The following ZBBX variants were observed in gnomAD, a reference collection of about 807,000 sequenced individuals.
ZBBX encodes the protein zinc finger B-box domain-containing protein 1.
ZBBX carries 101 observed loss-of-function variants against 108.5 expected under a neutral mutation model. The ratio of observed to expected loss-of-function variants is 0.93; its 90% confidence interval spans 0.79 to 1.10. The LOEUF (loss-of-function observed/expected upper bound fraction) is 1.10, where lower values mean the gene tolerates loss of function less well. Among genes scored for constraint, ZBBX ranks in the 50% least tolerant of loss-of-function variants. The probability of loss-of-function intolerance (pLI) is 0.00; values close to 1 mark genes in which losing one functional copy is unlikely to be tolerated. For missense variants in ZBBX, 1,009 were observed against 941.4 expected (o/e 1.07, Z -0.94); for synonymous variants, 356 against 323.4 (o/e 1.10, Z -1.08).
At chr3:167,397,458 T>G (rs1748282571) in intron 1 of ZBBX, among the ~76,000 whole-genome samples, 1 of 151,960 alleles carries the variant, frequency 6.6e-6, no homozygotes, top group Non-Finnish European at 1.5e-5. Flanking sequence ...TGAAAAAAAT[T>G]ATCAGAATGG....
In ZBBX at chr3:167,279,129, C is replaced by T. The variant is rs1728270741; in HGVS notation, c.2254+3109G>A. 3.3e-5 allele frequency among the ~76,000 whole-genome samples: 5 copies of T among 151,774 alleles called. No homozygotes were observed. In the South Asian group the frequency reaches 1.0e-3, roughly 32 times the overall value. On this transcript the variant is annotated intron_variant, in intron 20 of 21. Transcript: ENST00000675490. ...AATAATAAGAGCTATCTATGACAAA[C>T]CCACAGCCAATATCATACTGAATGG... is the stretch of plus-strand genomic sequence containing the variant.
intron 9 of ZBBX, among the ~76,000 whole-genome samples, chr3:167,345,635 C>T (rs554807050): frequency 2.6e-5 from 4 of 151,738 alleles, no homozygotes; most frequent in South Asian, 2.1e-4. Flanking sequence ...GAAGGAACTG[C>T]GTTTCTCAAC....
At chr3:167,229,134 G>T in the ZBBX span, among the ~76,000 whole-genome samples, 1 of 151,710 alleles carries the variant, frequency 6.6e-6, no homozygotes, top group Non-Finnish European at 1.5e-5. Context: ...AAAACTAAAT[G>T]ATCATCAATG....
At chr3:167,206,835 A>G in the ZBBX span, among the ~76,000 whole-genome samples, 3 of 152,178 alleles carry the variant, frequency 2.0e-5, no homozygotes, top group Non-Finnish European at 4.4e-5. Flanking sequence ...GAATCCAACC[A>G]TATATAGTTA....
chr3:167,319,962 G>A (rs1736138156), intron 12 of ZBBX, among the ~76,000 whole-genome samples: 1 of 151,710 alleles, frequency 6.6e-6, no homozygotes, highest in Admixed American at 6.6e-5. Context: ...ATATCCAGAT[G>A]GATAGATACA....
chr3:167,346,186 T>C (rs538626987), intron 9 of ZBBX, among the ~76,000 whole-genome samples: 2 of 150,606 alleles, frequency 1.3e-5, no homozygotes, highest in East Asian at 2.0e-4. Flanking sequence ...TCTTTCTACA[T>C]GTAGAAGTAA....
chr3:167,253,285 C>G (rs965213073), intron 20 of ZBBX, among the ~76,000 whole-genome samples: 16 of 151,912 alleles, frequency 1.1e-4, no homozygotes, highest in Non-Finnish European at 2.2e-4. Context: ...AGGAAAGAGA[C>G]AGTCATAAAA....
chr3:167,366,706 A>C (rs896944557), intron 5 of ZBBX: 3 of 384,366 alleles, frequency 7.8e-6, no homozygotes, highest in African/African-American at 6.3e-5. Context: ...CAATGTAACT[A>C]TTCTGAAAAC....
At chr3:167,258,955 T>C (rs1471908569) in intron 20 of ZBBX, among the ~76,000 whole-genome samples, 1 of 152,174 alleles carries the variant, frequency 6.6e-6, no homozygotes, top group African/African-American at 2.4e-5. Context: ...TGTCCTTTCC[T>C]GGTTTTGGTA....
At chr3:167,387,260 A>T (rs1747947607) in intron 1 of ZBBX, among the ~76,000 whole-genome samples, 2 of 152,060 alleles carry the variant, frequency 1.3e-5, no homozygotes, top group Non-Finnish European at 2.9e-5. Context: ...GAACAGAAAG[A>T]TTTGTATTCT....
chr3:167,386,841 G>A (rs1008613906), intron 1 of ZBBX, among the ~76,000 whole-genome samples: 1 of 151,970 alleles, frequency 6.6e-6, no homozygotes, highest in Non-Finnish European at 1.5e-5. Flanking sequence ...TTTCTCTTAT[G>A]CACTCAAGCT....
the ZBBX span, among the ~76,000 whole-genome samples, chr3:167,195,916 C>A: frequency 6.6e-6 from 1 of 152,198 alleles, no homozygotes; most frequent in South Asian, 2.1e-4. Context: ...TGTGTTAAAT[C>A]ACTTTGGGAT....
rs1162309793 is a variant in ZBBX at position 167,333,609 on chromosome 3, T to C, written c.687+218A>G. 2.0e-5 allele frequency among the ~76,000 whole-genome samples: 3 copies of C among 152,148 alleles called. No homozygotes were observed. In the East Asian group the frequency reaches 5.8e-4, roughly 29 times the overall value. On this transcript the variant is annotated intron_variant, in intron 10 of 21. Transcript: ENST00000675490. Reference sequence around the variant, plus strand: ...TCCAGAAAGACATATGGTCAAAAGATCATTCACCAAAAAGAGTAGTGTTCA... The same window carrying C: ...TCCAGAAAGACATATGGTCAAAAGACCATTCACCAAAAAGAGTAGTGTTCA...
chr3:167,246,751 C>A (rs1721636489), intron 20 of ZBBX, among the ~76,000 whole-genome samples: 1 of 152,150 alleles, frequency 6.6e-6, no homozygotes, highest in South Asian at 2.1e-4. Context: ...CAGCAACATC[C>A]AAAAACTGAC....
At chr3:167,327,109 T>A (rs1350716019) in intron 11 of ZBBX, among the ~76,000 whole-genome samples, 1 of 149,358 alleles carries the variant, frequency 6.7e-6, no homozygotes, top group African/African-American at 2.5e-5. Flanking sequence ...ATCTGGATCA[T>A]CAATGTCTAG....
In ZBBX at chr3:167,242,534, C is replaced by A. The variant is rs768185206; in HGVS notation, c.2364G>T (p.Val788=). Residue 788 remains valine, a synonymous_variant, in exon 21 of 22, where the codon GTG becomes GTT. Coordinates refer to ENST00000675490, the MANE Select transcript of ZBBX (RefSeq NM_001199201.2). ...ATTCCTCAACTCCACAGGGACCCCT[C>A]ACATGTGAGGTCTTAAGGAAATCTG... is the stretch of plus-strand genomic sequence containing the variant. ...ISTDFLKTSH[V]RGPCGVEELS... is the part of the protein sequence containing the mutation. 6.2e-7 allele frequency: 1 copy of A among 1,612,694 alleles called. No homozygotes were observed. Among genetic ancestry groups the A allele is most frequent in the African/African-American group, 1.3e-5 (1 of 74,854 alleles).
chr3:167,334,133 C>A, intron 9 of ZBBX, 148 bp from the exon 10 acceptor site: 1 of 606,592 alleles, frequency 1.6e-6, no homozygotes, highest in Non-Finnish European at 2.6e-6. Flanking sequence ...GCATTTGTAT[C>A]AACAAGTATA....
chr3:167,328,141 G>C, intron 10 of ZBBX, 25 bp from the exon 11 acceptor site: 1 of 1,571,036 alleles, frequency 6.4e-7, no homozygotes, highest in Non-Finnish European at 8.6e-7. Flanking sequence ...ACATAGGCAT[G>C]CTTTATTAAA....
At chr3:167,214,107 A>C in the ZBBX span, among the ~76,000 whole-genome samples, 1 of 152,184 alleles carries the variant, frequency 6.6e-6, no homozygotes, top group Non-Finnish European at 1.5e-5. Context: ...GACTAGTGTC[A>C]CTGTAAAGCA....
Sources: gnomAD v4.1 joint callset for allele counts (sites outside exome capture counted in the v4.1 genomes callset) on GRCh38, gnomAD v4.1.1 for gene constraint, MANE v1.5 for transcripts, NCBI Gene and HGNC (gene_info 2026-07-23, HGNC 2026-07-21) for gene names.